IL1RAPL1: variants seen among roughly 807,000 people sequenced by gnomAD.
The protein encoded by IL1RAPL1 is interleukin 1 receptor accessory protein like 1.
Under a neutral mutation model 48.4 loss-of-function variants are expected in IL1RAPL1, and 3 were observed. The ratio of observed to expected loss-of-function variants is 0.06; its 90% CI spans 0.03 to 0.16. IL1RAPL1 has a LOEUF of 0.16. IL1RAPL1 is among the 10% of genes least tolerant of loss of function. The pLI is 1.00. For missense variants in IL1RAPL1, 349 were observed against 530.6 expected (o/e 0.66, Z 3.36); for synonymous variants, 185 against 187.7 (o/e 0.99, Z 0.12).
At position 29,309,874 on chromosome X, in the gene IL1RAPL1, T is replaced by C. The variant is rs780803945; in HGVS notation, c.362+26657T>C. Among the ~76,000 whole-genome samples, 78 of 104,998 alleles carry C rather than the reference T, an allele frequency of 7.4e-4. 1 individual carries two copies. Among genetic ancestry groups the C allele is most frequent in the Admixed American group, 1.7e-3 (17 of 9,748 alleles). The allele number at this position is 104,998 out of a possible 115,157, so 91.2% of individuals were successfully genotyped here. A position where few individuals can be genotyped will look rare whatever the true frequency, so the allele number is the denominator to read the frequency against. On this transcript the variant is annotated intron_variant, in intron 3 of 10. Coordinates refer to ENST00000378993, the MANE Select transcript of IL1RAPL1 (RefSeq NM_014271.4). The stretch of plus-strand genomic sequence containing the variant: ...ACTTTGGGTGGCCGAGGTGGGTGGA[T>C]CACGAGGTCAGGAGATGGAGACCAT...
At chrX:28,941,682 T>C (rs1228461019) in intron 2 of IL1RAPL1, among the ~76,000 whole-genome samples, 2 of 111,063 alleles carry the variant, frequency 1.8e-5, no homozygotes, top group Non-Finnish European at 3.8e-5. Context: ...CTAGTTTGGC[T>C]CCACTGATCC....
At chrX:29,804,466 G>A (rs1188040782) in intron 6 of IL1RAPL1, among the ~76,000 whole-genome samples, 1 of 111,721 alleles carries the variant, frequency 9.0e-6, no homozygotes, top group Non-Finnish European at 1.9e-5. Context: ...GGAGATAACT[G>A]AATCATGGGG....
intron 6 of IL1RAPL1, among the ~76,000 whole-genome samples, chrX:29,865,266 T>C (rs1401608895): frequency 8.9e-6 from 1 of 111,906 alleles, no homozygotes; most frequent in African/African-American, 3.3e-5. Context: ...GAAGAGGCAA[T>C]GACTTCATGT....
At chrX:29,334,768 C>T (rs1250794464) in intron 3 of IL1RAPL1, among the ~76,000 whole-genome samples, 4 of 111,877 alleles carry the variant, frequency 3.6e-5, no homozygotes, top group African/African-American at 1.3e-4. Context: ...GGCGGCCGGG[C>T]AGAGACGCTC....
chrX:29,577,633 T>C (rs1922821562), intron 5 of IL1RAPL1, among the ~76,000 whole-genome samples: 1 of 111,854 alleles, frequency 8.9e-6, no homozygotes, highest in Admixed American at 9.6e-5. Flanking sequence ...TTTTAAAAGA[T>C]GGTGATGGAA....
chrX:29,805,259 C>T (rs901564913), intron 6 of IL1RAPL1, among the ~76,000 whole-genome samples: 1 of 111,917 alleles, frequency 8.9e-6, no homozygotes, highest in African/African-American at 3.3e-5. Flanking sequence ...ACTTCTATTT[C>T]TGTAACATAT....
intron 2 of IL1RAPL1, among the ~76,000 whole-genome samples, chrX:29,163,563 G>A (rs144757354): frequency 1.2e-3 from 139 of 111,641 alleles, no homozygotes; most frequent in Admixed American, 4.6e-3. Context: ...ACTGGAGGCA[G>A]AGAGATAAGT....
chrX:28,852,215 C>G (rs1326446475), intron 2 of IL1RAPL1, among the ~76,000 whole-genome samples: 1 of 111,049 alleles, frequency 9.0e-6, no homozygotes, highest in African/African-American at 3.3e-5. Context: ...CAAAGAAAAC[C>G]CAGAGATTTT....
chrX:29,521,142 A>G (rs1935498290), intron 5 of IL1RAPL1, among the ~76,000 whole-genome samples: 1 of 112,714 alleles, frequency 8.9e-6, no homozygotes, highest in Non-Finnish European at 1.9e-5. Context: ...ATTTGAAAAT[A>G]TTTGTCGTAT....
In IL1RAPL1 at chrX:28,762,041, G is replaced by A. The variant is rs772429667; in HGVS notation, c.-24-27279G>A. ...ATTTATGTAAACAGCTTAGCATAGC[G>A]CCTAACAGATTGTGATACTTAATAA... On this transcript the variant is annotated intron_variant, in intron 1 of 10. Transcript: ENST00000378993. Among the ~76,000 whole-genome samples the A allele has an allele frequency of 8.1e-5, 9 of 111,530 alleles. No homozygotes were observed. The South Asian group carries it at 3.0e-3, about 37-fold the overall frequency.
intron 2 of IL1RAPL1, among the ~76,000 whole-genome samples, chrX:28,976,124 T>C (rs1925199113): frequency 8.9e-6 from 1 of 112,053 alleles, no homozygotes; most frequent in South Asian, 3.7e-4. Flanking sequence ...GGGATGTGAA[T>C]GGAAGGTTTT....
chrX:29,167,749 C>A (rs959529179), intron 2 of IL1RAPL1, among the ~76,000 whole-genome samples: 2 of 110,474 alleles, frequency 1.8e-5, no homozygotes, highest in Admixed American at 9.8e-5. Context: ...GAATAAAAGA[C>A]ATTTTAAATT....
intron 1 of IL1RAPL1, among the ~76,000 whole-genome samples, chrX:28,597,244 C>T (rs755781481): frequency 3.6e-5 from 4 of 111,268 alleles, no homozygotes; most frequent in South Asian, 7.7e-4. Context: ...TTTCATGACC[C>T]GCTCAGATTT....
chrX:29,392,682 C>T (rs958535501), intron 3 of IL1RAPL1, among the ~76,000 whole-genome samples: 1 of 112,006 alleles, frequency 8.9e-6, no homozygotes, highest in Non-Finnish European at 1.9e-5. Context: ...AAGTGATGCT[C>T]CTCTGGAGCC....
intron 3 of IL1RAPL1, among the ~76,000 whole-genome samples, chrX:29,375,571 C>A (rs1397376564): frequency 9.0e-6 from 1 of 111,529 alleles, no homozygotes; most frequent in African/African-American, 3.3e-5. Context: ...ATGCAGAGCT[C>A]ATGCAGACAC....
intron 1 of IL1RAPL1, among the ~76,000 whole-genome samples, chrX:28,597,392 C>A (rs772289441): frequency 3.7e-4 from 41 of 111,775 alleles, no homozygotes; most frequent in African/African-American, 1.2e-3. Flanking sequence ...AGGCCTCAAA[C>A]AGGCATCACT....
chrX:29,842,725 A>G (rs1005973603), intron 6 of IL1RAPL1, among the ~76,000 whole-genome samples: 3 of 112,461 alleles, frequency 2.7e-5, no homozygotes, highest in Non-Finnish European at 3.8e-5. Flanking sequence ...TTGAAGTTGT[A>G]TAGTTCAAAG....
At chrX:29,417,580 A>G (rs1383218736) in intron 5 of IL1RAPL1, among the ~76,000 whole-genome samples, 6 of 112,198 alleles carry the variant, frequency 5.3e-5, no homozygotes, top group Non-Finnish European at 1.1e-4. Context: ...TTCCACTCCA[A>G]CATATCCACC....
At chrX:29,406,950 A>G (rs1046388980) in intron 5 of IL1RAPL1, among the ~76,000 whole-genome samples, 7 of 112,429 alleles carry the variant, frequency 6.2e-5, no homozygotes, top group Admixed American at 4.7e-4. Flanking sequence ...TTAAAATGTT[A>G]TATTTAAAAG....
Sources: gnomAD v4.1 joint callset for allele counts (sites outside exome capture counted in the v4.1 genomes callset) on GRCh38, gnomAD v4.1.1 for gene constraint, MANE v1.5 for transcripts, NCBI Gene and HGNC (gene_info 2026-07-23, HGNC 2026-07-21) for gene names.